KHDRBS2: variants seen among roughly 807,000 people sequenced by gnomAD.
The protein encoded by KHDRBS2 is KH domain-containing, RNA-binding, signal transduction-associated protein 2.
KHDRBS2 carries 26 observed loss-of-function variants against 44.3 expected under a neutral mutation model. The ratio of observed to expected loss-of-function variants is 0.59; its 90% CI spans 0.43 to 0.81. KHDRBS2 has a LOEUF of 0.81. Ranked by LOEUF, KHDRBS2 falls within the 40% of genes least tolerant of loss-of-function variation. The pLI, the probability that KHDRBS2 is intolerant of heterozygous loss-of-function variation, is 0.00. For missense variants in KHDRBS2, 476 were observed against 433.1 expected (o/e 1.10, Z -0.88); for synonymous variants, 194 against 151.1 (o/e 1.28, Z -2.08).
intron 2 of KHDRBS2, among the ~76,000 whole-genome samples, chr6:62,094,503 A>AT (rs1436600930): frequency 6.6e-6 from 1 of 151,442 alleles, no homozygotes; most frequent in African/African-American, 2.4e-5. Context: ...TGCTCTGTTG[A>AT]TTATTTCCTT....
intron 6 of KHDRBS2, among the ~76,000 whole-genome samples, chr6:61,893,688 G>T (rs1802406862): frequency 6.6e-6 from 1 of 152,060 alleles, no homozygotes; most frequent in Non-Finnish European, 1.5e-5. Flanking sequence ...TCATAGGTGG[G>T]AATTGAACAA....
chr6:61,769,844 C>T (rs1361943932), intron 6 of KHDRBS2, among the ~76,000 whole-genome samples: 1 of 152,174 alleles, frequency 6.6e-6, no homozygotes, highest in Non-Finnish European at 1.5e-5. Flanking sequence ...AGTAGTGGTT[C>T]TCCCAGCACG....
At chr6:61,845,805 T>A (rs566359) in intron 6 of KHDRBS2, among the ~76,000 whole-genome samples, 1 of 152,040 alleles carries the variant, frequency 6.6e-6, no homozygotes, top group African/African-American at 2.4e-5. Context: ...GCACACCTCT[T>A]GTTTCTTTAC....
the KHDRBS2 span, among the ~76,000 whole-genome samples, chr6:61,587,356 T>A: frequency 2.6e-5 from 3 of 114,146 alleles, no homozygotes; most frequent in Admixed American, 2.8e-4. Flanking sequence ...AGAGACAGCT[T>A]TTTTTTATCT....
At chr6:61,751,890 G>A (rs1398583914) in intron 6 of KHDRBS2, among the ~76,000 whole-genome samples, 1 of 127,390 alleles carries the variant, frequency 7.8e-6, no homozygotes, top group African/African-American at 3.6e-5. Flanking sequence ...GCTTGCAAAT[G>A]GCTGCCTTCT....
intron 6 of KHDRBS2, among the ~76,000 whole-genome samples, chr6:61,753,700 T>A (rs1778080852): frequency 6.6e-6 from 1 of 152,184 alleles, no homozygotes; most frequent in Non-Finnish European, 1.5e-5. Context: ...GCTACCCACA[T>A]CTACAATTAA....
the KHDRBS2 span, among the ~76,000 whole-genome samples, chr6:61,592,725 T>C: frequency 3.9e-5 from 6 of 152,182 alleles, no homozygotes; most frequent in Admixed American, 2.0e-4. Flanking sequence ...TCAGAAAGTT[T>C]CATATATTAA....
chr6:62,098,244 G>GTTT (rs35184806), intron 2 of KHDRBS2, among the ~76,000 whole-genome samples: 17 of 127,842 alleles, frequency 1.3e-4, no homozygotes, highest in East Asian at 4.6e-4. Flanking sequence ...AGCTTCAAAC[G>GTTT]TTTTTTTTTT....
chr6:61,634,093 C>G, the KHDRBS2 span, among the ~76,000 whole-genome samples: 1 of 151,914 alleles, frequency 6.6e-6, no homozygotes, highest in Non-Finnish European at 1.5e-5. Flanking sequence ...AGAGTTGGGA[C>G]TAAAATTGTT....
intron 6 of KHDRBS2, among the ~76,000 whole-genome samples, chr6:61,774,975 G>T (rs1781697196): frequency 6.6e-6 from 1 of 152,106 alleles, no homozygotes; most frequent in Non-Finnish European, 1.5e-5. Flanking sequence ...CGGGATGCAA[G>T]GCTGGTTCAA....
chr6:61,816,877 C>G, intron 6 of KHDRBS2: 1 of 449,058 alleles, frequency 2.2e-6, no homozygotes, highest in Admixed American at 2.4e-5. Context: ...CTAATTTAAA[C>G]CATACACTTT....
chr6:61,950,816 A>G (rs1454615327), intron 4 of KHDRBS2, among the ~76,000 whole-genome samples: 1 of 152,050 alleles, frequency 6.6e-6, no homozygotes, highest in Non-Finnish European at 1.5e-5. Context: ...CTTTATGTAT[A>G]CATATTAATA....
At chr6:62,075,925 A>G (rs1251292282) in intron 2 of KHDRBS2, among the ~76,000 whole-genome samples, 1 of 147,060 alleles carries the variant, frequency 6.8e-6, no homozygotes, top group Non-Finnish European at 1.5e-5. Context: ...TCTATTTTTA[A>G]TGGCACCAAG....
chr6:61,665,473 A>G, the KHDRBS2 span, among the ~76,000 whole-genome samples: 2 of 151,442 alleles, frequency 1.3e-5, no homozygotes, highest in Non-Finnish European at 3.0e-5. Context: ...ATTTGAATAG[A>G]TGATCAGTTC....
chr6:61,574,471 G>T, the KHDRBS2 span: 1 of 1,274,580 alleles, frequency 7.8e-7, no homozygotes, highest in East Asian at 2.7e-5. Context: ...TAAGCCCACA[G>T]GCTCTAACCT....
chr6:61,945,251 C>A (rs1467561443), intron 4 of KHDRBS2, among the ~76,000 whole-genome samples: 2 of 146,644 alleles, frequency 1.4e-5, no homozygotes, highest in African/African-American at 2.5e-5. Flanking sequence ...AATTTAAAAC[C>A]GTATTTTTAA....
At chr6:62,050,805 GA>G (rs1310055446) in intron 2 of KHDRBS2, among the ~76,000 whole-genome samples, 1 of 151,850 alleles carries the variant, frequency 6.6e-6, no homozygotes, top group Admixed American at 6.6e-5. Flanking sequence ...TTATCCCAGG[GA>G]ATTAAAAACA....
intron 1 of KHDRBS2, among the ~76,000 whole-genome samples, chr6:62,258,815 A>G (rs1337368807): frequency 6.6e-6 from 1 of 152,030 alleles, no homozygotes; most frequent in East Asian, 1.9e-4. Context: ...GAAAATAAGT[A>G]ATGTTCCTAT....
chr6:61,563,430 G>A, the KHDRBS2 span, among the ~76,000 whole-genome samples: 109 of 152,100 alleles, frequency 7.2e-4, no homozygotes, highest in African/African-American at 2.6e-3. Context: ...ACCTTCTGAC[G>A]TTCTCTAATT....
Sources: allele counts gnomAD v4.1 joint callset (sites outside exome capture counted in the v4.1 genomes callset), GRCh38; gene constraint gnomAD v4.1.1; transcripts MANE v1.5; gene names NCBI Gene and HGNC (gene_info 2026-07-23, HGNC 2026-07-21).